Variants in ARIH2 observed in about 807,000 individuals in gnomAD.
ARIH2 encodes ariadne RBR E3 ubiquitin protein ligase 2, also known as E3 ubiquitin-protein ligase ARIH2.
A neutral mutation model predicts 79.8 loss-of-function variants in ARIH2; 12 were observed. The ratio of observed to expected loss-of-function variants is 0.15; its 90% CI spans 0.10 to 0.24. The LOEUF (loss-of-function observed/expected upper bound fraction) is 0.24, where lower values mean the gene tolerates loss of function less well. Ranked by LOEUF, ARIH2 falls within the 10% of genes least tolerant of loss-of-function variation. ARIH2 has a pLI of 1.00. For missense variants in ARIH2, 301 were observed against 618.3 expected (o/e 0.49, Z 5.44); for synonymous variants, 224 against 213.9 (o/e 1.05, Z -0.41).
chr3:48,945,049 C>T (rs1465049089), intron 3 of ARIH2: 3 of 1,116,856 alleles, frequency 2.7e-6, no homozygotes, highest in Non-Finnish European at 3.6e-6. Flanking sequence ...GGCATGAAGA[C>T]CCATTCATGT....
intron 3 of ARIH2, chr3:48,934,285 T>C (rs1221955338): frequency 2.9e-5 from 20 of 692,670 alleles, no homozygotes; most frequent in South Asian, 1.3e-4. Context: ...TAAATACTTA[T>C]ATAATGCCAA....
chr3:48,923,749 G>A (rs2085171319), intron 2 of ARIH2, among the ~76,000 whole-genome samples: 1 of 152,020 alleles, frequency 6.6e-6, no homozygotes, highest in African/African-American at 2.4e-5. Context: ...TTGAACCCCC[G>A]ACCTTAGGTG....
At chr3:48,969,745 T>C (rs1042306787) in intron 7 of ARIH2, among the ~76,000 whole-genome samples, 3 of 152,112 alleles carry the variant, frequency 2.0e-5, no homozygotes, top group Admixed American at 2.0e-4. Flanking sequence ...CGATGCAGCA[T>C]AACTTTCATC....
intron 3 of ARIH2, among the ~76,000 whole-genome samples, chr3:48,951,139 C>T (rs548087667): frequency 6.6e-5 from 10 of 151,636 alleles, no homozygotes; most frequent in Admixed American, 5.3e-4. Flanking sequence ...ATTTTTTGTA[C>T]TTTTTGTAGA....
intron 3 of ARIH2, among the ~76,000 whole-genome samples, chr3:48,959,883 C>T (rs570562776): frequency 2.6e-5 from 4 of 152,256 alleles, no homozygotes; most frequent in South Asian, 4.1e-4. Context: ...TTAGTAGGTG[C>T]GCACTTGTCT....
At chr3:48,962,608 G>C (rs1402962510) in intron 4 of ARIH2, among the ~76,000 whole-genome samples, 1 of 152,128 alleles carries the variant, frequency 6.6e-6, no homozygotes, top group African/African-American at 2.4e-5. Context: ...CTAGCACAGT[G>C]TTTCTCATCC....
chr3:48,956,143 CT>C lies in ARIH2; in HGVS notation c.256-5456del, dbSNP rs879476262. On this transcript the variant is annotated intron_variant, in intron 3 of 15. Transcript: ENST00000356401. ...CTAATATGTGTAATTATCTCCTTTA[CT>C]TTTTTTTTTTTTGAGACGGAGTCTC... Among the ~76,000 whole-genome samples, 252 of 145,092 alleles carry C rather than the reference CT, an allele frequency of 1.7e-3. 1 individual carries two copies. The highest frequency in any genetic ancestry group is 3.7e-3 in the African/African-American group (146 of 39,994).
At position 48,934,421 on chromosome 3, in the gene ARIH2, G is replaced by C. The variant is rs550017888; in HGVS notation, c.255+6608G>C. On this transcript the variant is annotated intron_variant, in intron 3 of 15. Transcript: ENST00000356401. ...TTACAGTCATTAATTGACCAATAAT[G>C]GTTTGTTGTTGTTGTTGTTATTATT... is the stretch of plus-strand genomic sequence containing the variant. 1.7e-4 allele frequency: 166 copies of C among 983,210 alleles called. No individual in the cohort carries two copies. In the African/African-American group the frequency reaches 2.8e-3, roughly 17 times the overall value. 60.9% of individuals were successfully genotyped at this position (983,210 alleles called of 1,614,324 possible).
intron 8 of ARIH2, among the ~76,000 whole-genome samples, chr3:48,972,770 G>T (rs2092309232): frequency 6.6e-6 from 1 of 151,988 alleles, no homozygotes; most frequent in South Asian, 2.1e-4. Flanking sequence ...TTGCAGTACA[G>T]TGATGCGAAC....
At chr3:48,933,233 CGGGTGTGT>C (rs1426302649) in intron 3 of ARIH2, among the ~76,000 whole-genome samples, 1 of 130,250 alleles carries the variant, frequency 7.7e-6, no homozygotes, top group Non-Finnish European at 1.6e-5. Flanking sequence ...ACCACATGCC[CGGGTGTGT>C]GTGTGTGTGT....
chr3:48,949,300 G>A (rs1162042919), intron 3 of ARIH2, among the ~76,000 whole-genome samples: 1 of 152,078 alleles, frequency 6.6e-6, no homozygotes, highest in Non-Finnish European at 1.5e-5. Flanking sequence ...TGTGTTTTTA[G>A]TAGAGTCGGG....
In ARIH2 at chr3:48,939,757, CA is replaced by C. The variant is rs1190260583; in HGVS notation, c.255+11963del. The stretch of plus-strand genomic sequence containing the variant: ...TGGGTGACAGAGCAAGACTCCATCT[CA>C]AAAAAAAAAAAAAAAAAACAAAAAC... On this transcript the variant is annotated intron_variant, in intron 3 of 15. Coordinates refer to ENST00000356401, the MANE Select transcript of ARIH2 (RefSeq NM_006321.4). 9.8e-3 allele frequency among the ~76,000 whole-genome samples: 427 copies of C among 43,522 alleles called. 1 individual carries two copies. Among genetic ancestry groups the C allele is most frequent in the Non-Finnish European group, 0.014 (208 of 15,164 alleles). 28.6% of individuals were successfully genotyped at this position (43,522 alleles called of 152,430 possible).
rs1177145091 is a variant in ARIH2, at chr3:48,978,463, GTGTATA to G, written c.962-1017_962-1012del. On this transcript the variant is annotated intron_variant, in intron 11 of 15. Transcript: ENST00000356401. ...TGTGTGTGTGTGTGTGTGTGTGTGT[GTGTATA>G]TATATATATATATATTTTTTTTTTT... 1.5e-4 allele frequency among the ~76,000 whole-genome samples: 12 copies of G among 77,556 alleles called. No individual in the cohort carries two copies. The Admixed American group carries it at 1.6e-3, about 10-fold the overall frequency. The allele number at this position is 77,556 out of a possible 152,430, so 50.9% of individuals were successfully genotyped here. A position where few individuals can be genotyped will look rare whatever the true frequency, so the allele number is the denominator to read the frequency against.
At position 48,974,878 on chromosome 3, in the gene ARIH2, G is replaced by C; in HGVS notation, c.939+11G>C. 1 of 1,614,148 alleles carries C rather than the reference G, an allele frequency of 6.2e-7. No individual in the cohort carries two copies. The highest frequency in any genetic ancestry group is 8.5e-7 in the Non-Finnish European group (1 of 1,180,032). ...GGCTGCAATCACATGGTGAGCAGAA[G>C]CCTCTGCAGTTTGCATGTGTGACAT... On this transcript the variant is annotated intron_variant, in intron 10 of 15. Transcript: ENST00000356401.
At chr3:48,948,442 G>A (rs2089509280) in intron 3 of ARIH2, among the ~76,000 whole-genome samples, 1 of 151,460 alleles carries the variant, frequency 6.6e-6, no homozygotes, top group African/African-American at 2.4e-5. Context: ...CTAATTTTGT[G>A]TTTTTAGTGC....
intron 13 of ARIH2, 78 bp from the exon 14 acceptor site, chr3:48,981,582 A>G: frequency 1.7e-6 from 2 of 1,206,988 alleles, no homozygotes; most frequent in Middle Eastern, 1.9e-4. Context: ...TGTTGAGGGT[A>G]GGAATTGTAA....
intron 3 of ARIH2, among the ~76,000 whole-genome samples, chr3:48,955,344 T>G (rs965107906): frequency 1.3e-5 from 2 of 152,164 alleles, no homozygotes; most frequent in Non-Finnish European, 2.9e-5. Context: ...TTTTTTTTTT[T>G]TGGCTTACAT....
At chr3:48,926,242 CGTGTG>C (rs2085576572) in intron 2 of ARIH2, among the ~76,000 whole-genome samples, 1 of 148,062 alleles carries the variant, frequency 6.8e-6, no homozygotes, top group Non-Finnish European at 1.5e-5. Flanking sequence ...GAGTTTCCCT[CGTGTG>C]TGTGTGTGTG....
At chr3:48,975,114 C>G in intron 11 of ARIH2, 135 bp downstream of exon 11, 1 of 1,462,412 alleles carries the variant, frequency 6.8e-7, no homozygotes, top group Non-Finnish European at 9.4e-7. Context: ...GTCACAGTAA[C>G]TGGCATAAAG....
Sources: gnomAD v4.1 joint callset for allele counts (sites outside exome capture counted in the v4.1 genomes callset) on GRCh38, gnomAD v4.1.1 for gene constraint, MANE v1.5 for transcripts, NCBI Gene and HGNC (gene_info 2026-07-23, HGNC 2026-07-21) for gene names.